Variants in SUZ12 observed in about 807,000 individuals in gnomAD.
SUZ12 encodes SUZ12 polycomb repressive complex 2 subunit, also known as polycomb protein SUZ12.
In SUZ12, 17 loss-of-function variants were observed where a neutral mutation model predicts 87.3. The ratio of observed to expected loss-of-function variants is 0.19; its 90% confidence interval spans 0.13 to 0.29. The LOEUF (loss-of-function observed/expected upper bound fraction) is 0.29. Ranked by LOEUF, SUZ12 falls within the 10% of genes least tolerant of loss-of-function variation. The pLI is 1.00. For synonymous variants in SUZ12, 253 were observed against 312.4 expected (o/e 0.81, Z 2.01); for missense variants, 526 against 912.2 (o/e 0.58, Z 5.45).
intron 3 of SUZ12, among the ~76,000 whole-genome samples, chr17:31,946,026 C>CTA (rs2142126587): frequency 6.6e-6 from 1 of 152,208 alleles, no homozygotes; most frequent in Non-Finnish European, 1.5e-5. Flanking sequence ...GCGCTTCTTA[C>CTA]TATACTCTAT....
chr17:31,995,227 A>G (rs1168644518), intron 13 of SUZ12, among the ~76,000 whole-genome samples: 8 of 152,246 alleles, frequency 5.3e-5, no homozygotes, highest in African/African-American at 1.4e-4. Flanking sequence ...GTGAATATAC[A>G]TGAGTTAGAA....
At chr17:31,978,400 G>T (rs1290925280) in intron 8 of SUZ12, among the ~76,000 whole-genome samples, 2 of 151,990 alleles carry the variant, frequency 1.3e-5, no homozygotes, top group Non-Finnish European at 2.9e-5. Context: ...GTAGAGATGA[G>T]GTTTCACCAT....
At chr17:31,989,006 AG>A (rs985241993) in intron 10 of SUZ12, among the ~76,000 whole-genome samples, 3 of 151,596 alleles carry the variant, frequency 2.0e-5, no homozygotes, top group Non-Finnish European at 4.4e-5. Context: ...CAGAAGGTGG[AG>A]GTTGCAGCCG....
chr17:31,964,740 T>G (rs1201477215), intron 4 of SUZ12, among the ~76,000 whole-genome samples: 2 of 152,146 alleles, frequency 1.3e-5, no homozygotes, highest in African/African-American at 4.8e-5. Context: ...TTTCATGGCC[T>G]ACTTCACTAA....
intron 10 of SUZ12, among the ~76,000 whole-genome samples, chr17:31,990,248 C>T (rs1233312651): frequency 1.3e-5 from 2 of 148,792 alleles, no homozygotes; most frequent in South Asian, 2.1e-4. Flanking sequence ...GCTGAGATTA[C>T]AGGCGTGACC....
intron 9 of SUZ12, 111 bp from the exon 10 acceptor site, chr17:31,988,209 A>G (rs1269236348): frequency 9.2e-7 from 1 of 1,086,824 alleles, no homozygotes; most frequent in East Asian, 2.8e-5. Context: ...TTTCAAGACA[A>G]ATCTATTAAG....
intron 9 of SUZ12, among the ~76,000 whole-genome samples, chr17:31,986,723 T>C (rs750323284): frequency 6.6e-6 from 1 of 152,168 alleles, no homozygotes; most frequent in Non-Finnish European, 1.5e-5. Context: ...AGCTAATTTT[T>C]TGTATTTTAG....
intron 15 of SUZ12, 28 bp downstream of exon 15, chr17:31,996,905 AT>A: frequency 7.6e-7 from 1 of 1,315,564 alleles, no homozygotes; most frequent in Non-Finnish European, 1.0e-6. Context: ...TAATTTAAAT[AT>A]TTTATTATTC....
chr17:31,979,123 A>AAAAG (rs1389571589), intron 8 of SUZ12, among the ~76,000 whole-genome samples: 24 of 145,804 alleles, frequency 1.6e-4, no homozygotes, highest in African/African-American at 6.0e-4. Context: ...AAAAAAAAAA[A>AAAAG]AAGAATTCAA....
At chr17:31,955,515 G>A (rs1227664943) in intron 4 of SUZ12, among the ~76,000 whole-genome samples, 1 of 152,028 alleles carries the variant, frequency 6.6e-6, no homozygotes, top group Non-Finnish European at 1.5e-5. Flanking sequence ...TTTGGAGGCC[G>A]AGGCGGGCGG....
chr17:31,966,918 C>T (rs1908124161), intron 5 of SUZ12: 2 of 152,152 alleles, frequency 1.3e-5, no homozygotes, highest in Admixed American at 1.3e-4. Context: ...CGCAGTGGCT[C>T]ACGCCTGTAA....
chr17:31,992,885 T>C (rs1402908868), intron 10 of SUZ12, among the ~76,000 whole-genome samples: 2 of 151,944 alleles, frequency 1.3e-5, no homozygotes, highest in African/African-American at 4.8e-5. Context: ...TTTATATTTT[T>C]AATTAGAGAT....
intron 8 of SUZ12, among the ~76,000 whole-genome samples, chr17:31,979,921 C>T (rs1908997686): frequency 6.6e-6 from 1 of 152,028 alleles, no homozygotes; most frequent in Non-Finnish European, 1.5e-5. Flanking sequence ...ATTTCTTCCA[C>T]ATTTATTTGC....
chr17:31,951,002 G>T (rs1056927031), intron 4 of SUZ12, among the ~76,000 whole-genome samples: 5 of 152,014 alleles, frequency 3.3e-5, no homozygotes, highest in Admixed American at 3.3e-4. Context: ...GGATGGTCTC[G>T]ATCTCCTGAC....
chr17:31,942,243 G>T (rs1906343645), intron 3 of SUZ12, among the ~76,000 whole-genome samples: 1 of 152,106 alleles, frequency 6.6e-6, no homozygotes, highest in African/African-American at 2.4e-5. Context: ...TAAAATTTAA[G>T]TTAATTTTTG....
chr17:31,977,734 C>T lies in SUZ12; in HGVS notation c.917+1120C>T, dbSNP rs1598175282. Reference sequence around the variant, plus strand: ...CGAAACCCTGTCTCTACTAAAAATACAAAAATTAGCCAGGCACGGTGGCGT... The same window carrying T: ...CGAAACCCTGTCTCTACTAAAAATATAAAAATTAGCCAGGCACGGTGGCGT... On this transcript the variant is annotated intron_variant, in intron 8 of 15. Coordinates refer to ENST00000322652, the MANE Select transcript of SUZ12 (RefSeq NM_015355.4). Among the ~76,000 whole-genome samples the T allele has an allele frequency of 2.6e-5, 4 of 152,138 alleles. No homozygotes were observed. The South Asian group carries it at 8.3e-4, about 32-fold the overall frequency.
intron 8 of SUZ12, among the ~76,000 whole-genome samples, chr17:31,980,639 G>A (rs1909050928): frequency 6.6e-6 from 1 of 151,480 alleles, no homozygotes; most frequent in Non-Finnish European, 1.5e-5. Context: ...GTAGAGACAA[G>A]GTTTCTCCCT....
intron 4 of SUZ12, among the ~76,000 whole-genome samples, chr17:31,962,464 C>T (rs1471441084): frequency 1.3e-5 from 2 of 152,012 alleles, no homozygotes; most frequent in African/African-American, 4.8e-5. Context: ...ATGGTGCATG[C>T]CTATAGTCTC....
rs767625187 is a variant in SUZ12, at chr17:31,988,304, G to GT, written c.1024-10dup. The GT allele has an allele frequency of 3.9e-6, 6 of 1,523,950 alleles. No homozygotes were observed. Among genetic ancestry groups the GT allele is most frequent in the Middle Eastern group, 3.5e-4 (2 of 5,668 alleles). 94.4% of individuals were successfully genotyped at this position (1,523,950 alleles called of 1,614,324 possible). A position where few individuals can be genotyped will look rare whatever the true frequency, so the allele number is the denominator to read the frequency against. On this transcript the variant is annotated splice_polypyrimidine_tract_variant and intron_variant, in intron 9 of 15. Coordinates refer to ENST00000322652, the MANE Select transcript of SUZ12 (RefSeq NM_015355.4). ...TTATCTGAGTCTCCAGTCTTTGCAT[G>GT]TTTTTTATTTTTTAGAGGCTGCCTC...
Sources: allele counts gnomAD v4.1 joint callset (sites outside exome capture counted in the v4.1 genomes callset), GRCh38; gene constraint gnomAD v4.1.1; transcripts MANE v1.5; gene names NCBI Gene and HGNC (gene_info 2026-07-23, HGNC 2026-07-21).